Variants in GSG1L observed in about 807,000 individuals in gnomAD.
The protein encoded by GSG1L is germ cell-specific gene 1-like protein.
In GSG1L, 24 loss-of-function variants were observed where a neutral mutation model predicts 42.1. The ratio of observed to expected loss-of-function variants is 0.57; its 90% CI spans 0.41 to 0.80. The LOEUF is 0.80. Ranked by LOEUF, GSG1L falls within the 30% of genes least tolerant of loss-of-function variation. GSG1L has a pLI of 0.00. For missense variants in GSG1L, 445 were observed against 472.2 expected, an observed-to-expected ratio of 0.94 and a Z score of 0.53; for synonymous variants, 215 against 203.5, an observed-to-expected ratio of 1.06 and a Z score of -0.48.
At chr16:27,849,801 C>T (rs1336718042) in intron 3 of GSG1L, among the ~76,000 whole-genome samples, 2 of 151,998 alleles carry the variant, frequency 1.3e-5, no homozygotes, top group Admixed American at 6.6e-5. Context: ...ACTGGGATTA[C>T]AGGCGTGAGC....
rs374454224 is a variant in GSG1L at position 27,867,820 on chromosome 16, A to G, written c.550+16666T>C. On this transcript the variant is annotated intron_variant, in intron 3 of 6. Transcript: ENST00000447459. Reference sequence around the variant, plus strand: ...ACGCCCCCTGAGGCCACGCCCCCTGAGGCCAGCCACTTCCTGGCCACGCCC... The same window carrying G: ...ACGCCCCCTGAGGCCACGCCCCCTGGGGCCAGCCACTTCCTGGCCACGCCC... 1.8e-3 allele frequency among the ~76,000 whole-genome samples: 263 copies of G among 150,242 alleles called. 1 individual carries two copies. The highest frequency in any genetic ancestry group is 6.0e-3 in the African/African-American group (240 of 39,880).
intron 2 of GSG1L, among the ~76,000 whole-genome samples, chr16:27,895,416 C>T (rs1304940811): frequency 3.9e-5 from 6 of 152,216 alleles, no homozygotes; most frequent in Admixed American, 2.0e-4. Flanking sequence ...TCTCCCTATA[C>T]GACGAAATCA....
chr16:27,868,354 C>A (rs2083758591), intron 3 of GSG1L, among the ~76,000 whole-genome samples: 1 of 152,254 alleles, frequency 6.6e-6, no homozygotes, highest in Non-Finnish European at 1.5e-5. Context: ...TTCTAACACT[C>A]CAACTCATTC....
At chr16:27,946,584 AGAGAG>A (rs1567529766) in intron 2 of GSG1L, among the ~76,000 whole-genome samples, 261 of 22,554 alleles carry the variant, frequency 0.012, no homozygotes, top group East Asian at 0.024. Flanking sequence ...AAAGAAAGAG[AGAGAG>A]AGAGAGAGAG....
At chr16:27,863,729 A>G (rs2083682293) in intron 3 of GSG1L, among the ~76,000 whole-genome samples, 1 of 152,196 alleles carries the variant, frequency 6.6e-6, no homozygotes, top group Non-Finnish European at 1.5e-5. Context: ...AGAGAGCCCA[A>G]GTTCCTTATA....
At chr16:27,837,783 A>C (rs1052628252) in intron 4 of GSG1L, among the ~76,000 whole-genome samples, 1 of 151,612 alleles carries the variant, frequency 6.6e-6, no homozygotes, top group Admixed American at 6.6e-5. Context: ...GTTATTGCTA[A>C]ATGTTTTCTG....
chr16:27,964,525 A>G (rs1236130953), intron 1 of GSG1L, among the ~76,000 whole-genome samples: 7 of 152,198 alleles, frequency 4.6e-5, no homozygotes, highest in Non-Finnish European at 2.9e-5. Flanking sequence ...AAGCATCCTA[A>G]CCATCAACAG....
intron 2 of GSG1L, among the ~76,000 whole-genome samples, chr16:27,911,682 A>G (rs2084392789): frequency 6.6e-6 from 1 of 151,594 alleles, no homozygotes; most frequent in African/African-American, 2.4e-5. Context: ...CCCTCCCCCA[A>G]CCACATGGCA....
At chr16:27,880,553 G>C (rs1328399774) in intron 3 of GSG1L, among the ~76,000 whole-genome samples, 1 of 152,180 alleles carries the variant, frequency 6.6e-6, no homozygotes. Context: ...CCTGAGCCTG[G>C]ATTGTTTATC....
In GSG1L at chr16:28,011,581, C is replaced by T. The variant is rs74405403; in HGVS notation, c.350-48378G>A. Among the ~76,000 whole-genome samples the T allele has an allele frequency of 4.3e-4, 65 of 152,298 alleles. No individual in the cohort carries two copies. The East Asian group carries it at 6.8e-3, about 16-fold the overall frequency. On this transcript the variant is annotated intron_variant, in intron 1 of 6. Transcript: ENST00000447459. ...CTGTCGTCCAAGAGAAGTCAGAACC[C>T]TGGTTTTTGGGTGGAATCACCTGAT... is the stretch of plus-strand genomic sequence containing the variant.
intron 2 of GSG1L, among the ~76,000 whole-genome samples, chr16:27,961,633 C>T (rs2085073775): frequency 6.6e-6 from 1 of 152,174 alleles, no homozygotes; most frequent in East Asian, 1.9e-4. Flanking sequence ...GTATCCGGCA[C>T]ATAGTAACTG....
chr16:27,965,275 A>C (rs1027686541), intron 1 of GSG1L, among the ~76,000 whole-genome samples: 2 of 152,140 alleles, frequency 1.3e-5, no homozygotes, highest in African/African-American at 2.4e-5. Flanking sequence ...TCAGCCTCCC[A>C]AAATGCTGGG....
intron 1 of GSG1L, among the ~76,000 whole-genome samples, chr16:28,001,242 C>A (rs917535005): frequency 6.6e-6 from 1 of 152,194 alleles, no homozygotes; most frequent in Non-Finnish European, 1.5e-5. Flanking sequence ...ATAGATAGTG[C>A]AGAATTGCCA....
intron 3 of GSG1L, among the ~76,000 whole-genome samples, chr16:27,865,111 G>A (rs943465330): frequency 2.6e-5 from 4 of 151,952 alleles, no homozygotes; most frequent in African/African-American, 9.7e-5. Context: ...ATTCTTCTGT[G>A]AGCCAGTCCA....
chr16:27,818,934 G>A (rs970011131), intron 5 of GSG1L, among the ~76,000 whole-genome samples: 2 of 152,096 alleles, frequency 1.3e-5, no homozygotes, highest in East Asian at 1.9e-4. Context: ...TTTGTCTCCC[G>A]TTTCTCCAAT....
intron 3 of GSG1L, among the ~76,000 whole-genome samples, chr16:27,882,418 G>A (rs1385902301): frequency 2.7e-5 from 4 of 150,174 alleles, no homozygotes; most frequent in African/African-American, 7.3e-5. Context: ...ACACTCTTCA[G>A]TGGCTCCCTA....
intron 2 of GSG1L, among the ~76,000 whole-genome samples, chr16:27,961,872 G>C (rs896083857): frequency 6.6e-6 from 1 of 152,098 alleles, no homozygotes; most frequent in Admixed American, 6.6e-5. Flanking sequence ...CTGAGGGCCC[G>C]GTGGGTTCCC....
chr16:27,838,425 G>A (rs1344067531), intron 4 of GSG1L, among the ~76,000 whole-genome samples: 1 of 152,202 alleles, frequency 6.6e-6, no homozygotes, highest in Non-Finnish European at 1.5e-5. Context: ...GCTGGTTTTA[G>A]CAGCTTGTAC....
chr16:28,052,773 A>G (rs2086234192), intron 1 of GSG1L, among the ~76,000 whole-genome samples: 1 of 152,212 alleles, frequency 6.6e-6, no homozygotes, highest in Non-Finnish European at 1.5e-5. Flanking sequence ...GCCCTGGCTG[A>G]GGAGGGCAGA....
Sources: gnomAD v4.1 joint callset for allele counts (sites outside exome capture counted in the v4.1 genomes callset) on GRCh38, gnomAD v4.1.1 for gene constraint, MANE v1.5 for transcripts, NCBI Gene and HGNC (gene_info 2026-07-23, HGNC 2026-07-21) for gene names.